Variants in ARHGAP12 observed in about 807,000 individuals in gnomAD.
ARHGAP12 encodes rho GTPase-activating protein 12.
A neutral mutation model predicts 108.6 loss-of-function variants in ARHGAP12; 64 were observed. The observed-to-expected ratio is 0.59, with a 90% CI of 0.48 to 0.73. ARHGAP12 has a LOEUF of 0.73. Among genes scored for constraint, ARHGAP12 ranks in the 30% least tolerant of loss-of-function variants. The pLI, the probability that ARHGAP12 is intolerant of heterozygous loss-of-function variation, is 0.00. For missense variants in ARHGAP12, 940 were observed against 1,005.9 expected (o/e 0.93, Z 0.89); for synonymous variants, 312 against 337.2 (o/e 0.93, Z 0.82).
chr10:31,919,982 G>A (rs898810408), intron 1 of ARHGAP12, among the ~76,000 whole-genome samples: 7 of 150,886 alleles, frequency 4.6e-5, no homozygotes, highest in African/African-American at 9.8e-5. Flanking sequence ...TGGCCATGGT[G>A]GCATGCCTGT....
intron 6 of ARHGAP12, among the ~76,000 whole-genome samples, chr10:31,849,448 C>T (rs1235938677): frequency 2.0e-5 from 3 of 152,072 alleles, no homozygotes; most frequent in Admixed American, 1.3e-4. Context: ...ATACTGAACA[C>T]CAAAGATGTG....
intron 11 of ARHGAP12, among the ~76,000 whole-genome samples, chr10:31,825,745 T>G (rs563919824): frequency 4.3e-4 from 65 of 152,292 alleles, no homozygotes; most frequent in African/African-American, 1.5e-3. Flanking sequence ...ATTATAATTT[T>G]TAATGTTTGC....
chr10:31,822,724 C>A (rs764665742), intron 11 of ARHGAP12, among the ~76,000 whole-genome samples: 2 of 152,070 alleles, frequency 1.3e-5, no homozygotes, highest in African/African-American at 2.4e-5. Flanking sequence ...CTTCTGGTGT[C>A]CCTTTCCAAG....
At chr10:31,829,893 C>T (rs1245317417) in intron 10 of ARHGAP12, among the ~76,000 whole-genome samples, 1 of 152,122 alleles carries the variant, frequency 6.6e-6, no homozygotes, top group South Asian at 2.1e-4. Context: ...CATTTTCCAC[C>T]TTTAGTTGTG....
intron 3 of ARHGAP12, among the ~76,000 whole-genome samples, chr10:31,905,132 A>G (rs1839076427): frequency 6.6e-6 from 1 of 152,110 alleles, no homozygotes; most frequent in Non-Finnish European, 1.5e-5. Flanking sequence ...TCATCAAGCC[A>G]TACACTGAAA....
chr10:31,919,567 C>A (rs112191151), intron 1 of ARHGAP12, among the ~76,000 whole-genome samples: 1 of 144,278 alleles, frequency 6.9e-6, no homozygotes, highest in Non-Finnish European at 1.5e-5. Flanking sequence ...CTGAGGTGGG[C>A]GGATCACAAG....
At chr10:31,927,381 G>C (rs1840094780) in intron 1 of ARHGAP12, among the ~76,000 whole-genome samples, 1 of 152,194 alleles carries the variant, frequency 6.6e-6, no homozygotes, top group Non-Finnish European at 1.5e-5. Context: ...GTATGAAAGA[G>C]GCGTGGCTAG....
chr10:31,922,180 C>CAAAAAAAAAA (rs56210740), intron 1 of ARHGAP12, among the ~76,000 whole-genome samples: 3 of 66,118 alleles, frequency 4.5e-5, no homozygotes, highest in Non-Finnish European at 8.4e-5. Context: ...GACCCTGCCT[C>CAAAAAAAAAA]AAAAAAAAAA....
chr10:31,865,690 A>G (rs1241118660), intron 3 of ARHGAP12, among the ~76,000 whole-genome samples: 1 of 152,036 alleles, frequency 6.6e-6, no homozygotes, highest in African/African-American at 2.4e-5. Flanking sequence ...CCTGGCTAAC[A>G]TGCCGAAACC....
rs532391803 is a variant in ARHGAP12, at chr10:31,839,319, C to A, written c.1372G>T (p.Ala458Ser). Residue 458 changes from alanine to serine, a missense_variant and splice_region_variant, in exon 9 of 20, where the codon GCC becomes TCC. Physicochemically the swap from Ala to Ser is moderately conservative, Grantham distance 99. Transcript: ENST00000344936. Reference protein sequence around the residue: ...SPSSPKHQDTASSPKDQEKYG... With the variant: ...SPSSPKHQDTSSSPKDQEKYG... ...TTGCTTCTTACCTTTGGACTGCTGG[C>A]CTGAGGAAAAAAAGAGTAAAGTATA... 35 of 1,607,786 alleles carry A rather than the reference C, an allele frequency of 2.2e-5. No homozygotes were observed. Among genetic ancestry groups the A allele is most frequent in the Non-Finnish European group, 2.9e-5 (34 of 1,176,914 alleles).
At chr10:31,911,926 A>C (rs1465030503) in intron 1 of ARHGAP12, among the ~76,000 whole-genome samples, 1 of 152,196 alleles carries the variant, frequency 6.6e-6, no homozygotes, top group Non-Finnish European at 1.5e-5. Context: ...ATTAATACAT[A>C]ATAACCAAAT....
At chr10:31,852,922 T>C (rs904131941) in intron 5 of ARHGAP12, among the ~76,000 whole-genome samples, 2 of 151,994 alleles carry the variant, frequency 1.3e-5, no homozygotes, top group Non-Finnish European at 2.9e-5. Flanking sequence ...GAGATGGGGT[T>C]TCTCCATGTT....
chr10:31,896,536 C>T (rs2132420145), intron 3 of ARHGAP12, among the ~76,000 whole-genome samples: 1 of 152,152 alleles, frequency 6.6e-6, no homozygotes. Context: ...TCAGATCATA[C>T]TTTCTAATGA....
At chr10:31,870,477 G>A (rs1047584317) in intron 3 of ARHGAP12, among the ~76,000 whole-genome samples, 3 of 152,012 alleles carry the variant, frequency 2.0e-5, no homozygotes, top group African/African-American at 4.8e-5. Context: ...TGATCCACCC[G>A]CCTCAGCCTC....
At chr10:31,812,667 G>A (rs1255852819) in intron 15 of ARHGAP12, 40 bp downstream of exon 15, 2 of 1,234,860 alleles carry the variant, frequency 1.6e-6, no homozygotes, top group South Asian at 1.3e-5. Flanking sequence ...TATGACGTAG[G>A]CCAACATTCA....
chr10:31,849,566 T>C (rs1836594035), intron 6 of ARHGAP12, among the ~76,000 whole-genome samples: 1 of 152,254 alleles, frequency 6.6e-6, no homozygotes, highest in African/African-American at 2.4e-5. Context: ...GTGCAGAATG[T>C]AACCTGAAGT....
At chr10:31,877,104 T>A (rs1592323590) in intron 3 of ARHGAP12, among the ~76,000 whole-genome samples, 2 of 152,198 alleles carry the variant, frequency 1.3e-5, no homozygotes, top group African/African-American at 2.4e-5. Context: ...ATGAGAAAAA[T>A]CTGTGGCAGA....
intron 3 of ARHGAP12, among the ~76,000 whole-genome samples, chr10:31,889,847 G>A (rs1382044993): frequency 6.6e-6 from 1 of 151,418 alleles, no homozygotes; most frequent in African/African-American, 2.4e-5. Flanking sequence ...GCCTCCCAAA[G>A]TGGTGGGATT....
intron 3 of ARHGAP12, among the ~76,000 whole-genome samples, chr10:31,897,534 T>C (rs190821422): frequency 2.6e-5 from 4 of 152,228 alleles, no homozygotes; most frequent in Non-Finnish European, 4.4e-5. Flanking sequence ...AAATCTTAGA[T>C]ACTTAGTATC....
Sources: gnomAD v4.1 joint callset for allele counts (sites outside exome capture counted in the v4.1 genomes callset) on GRCh38, gnomAD v4.1.1 for gene constraint, MANE v1.5 for transcripts, NCBI Gene and HGNC (gene_info 2026-07-23, HGNC 2026-07-21) for gene names.